The following ATP2B2 variants were observed in gnomAD, a reference collection of about 807,000 sequenced individuals.
ATP2B2 encodes ATPase plasma membrane Ca2+ transporting 2, also known as plasma membrane calcium-transporting ATPase 2.
Under a neutral mutation model 120.0 loss-of-function variants are expected in ATP2B2, and 15 were observed. The observed-to-expected ratio is 0.12, with a 90% CI of 0.08 to 0.19. The LOEUF is 0.19. Ranked by LOEUF, ATP2B2 falls within the 10% of genes least tolerant of loss-of-function variation. ATP2B2 has a pLI of 1.00. For missense variants in ATP2B2, 1,045 were observed against 1,719.8 expected (o/e 0.61, Z 6.94); for synonymous variants, 694 against 700.3 (o/e 0.99, Z 0.14).
chr3:10,577,143 C>A (rs777045613), intron 2 of ATP2B2, among the ~76,000 whole-genome samples: 2 of 151,856 alleles, frequency 1.3e-5, no homozygotes, highest in Non-Finnish European at 2.9e-5. Context: ...GAAGTCCAGG[C>A]ACTGAGATCC....
At chr3:10,364,389 A>C (rs2060983542) in intron 12 of ATP2B2, among the ~76,000 whole-genome samples, 1 of 152,180 alleles carries the variant, frequency 6.6e-6, no homozygotes, top group South Asian at 2.1e-4. Context: ...ATTTTATGCA[A>C]ATTTTTAAAA....
chr3:10,430,038 T>C (rs1274744132), intron 2 of ATP2B2, among the ~76,000 whole-genome samples: 2 of 152,210 alleles, frequency 1.3e-5, no homozygotes, highest in Admixed American at 6.5e-5. Context: ...GGTTGGTTCA[T>C]GCGGCTTAAG....
Position 10,385,277 on chromosome 3 carries a change from G to C in ATP2B2, c.991C>G (p.Leu331Val), listed in dbSNP as rs1391779442. The C allele has an allele frequency of 6.2e-7, 1 of 1,613,808 alleles. No individual in the cohort carries two copies. Among genetic ancestry groups the C allele is most frequent in the Admixed American group, 1.7e-5 (1 of 59,996 alleles). ...GCCGTGGGAGACATACCATTGACTA[G>C]GCTGGCATTCGCACTATCTGCAGCA... Reference protein sequence around the residue: ...SNAADSANASLVNGKMQDGNV... With the variant: ...SNAADSANASVVNGKMQDGNV... The change falls in exon 8 of 23, where the codon CTA becomes GTA. Residue 331 changes from leucine to valine, a missense_variant. Leu to Val is a conservative substitution (Grantham distance 32). Transcript: ENST00000360273.
At chr3:10,366,272 T>C (rs2061054839) in intron 12 of ATP2B2, among the ~76,000 whole-genome samples, 1 of 152,176 alleles carries the variant, frequency 6.6e-6, no homozygotes, top group Non-Finnish European at 1.5e-5. Flanking sequence ...CCCTCCCTAC[T>C]ATCTGCTAGG....
intron 21 of ATP2B2, among the ~76,000 whole-genome samples, chr3:10,339,382 G>T (rs1334328180): frequency 1.3e-5 from 2 of 152,198 alleles, no homozygotes; most frequent in Non-Finnish European, 1.5e-5. Context: ...TTGAAGGCAA[G>T]AAAAATGCCT....
intron 1 of ATP2B2, among the ~76,000 whole-genome samples, chr3:10,476,253 G>A (rs2065198251): frequency 6.6e-6 from 1 of 152,166 alleles, no homozygotes; most frequent in Non-Finnish European, 1.5e-5. Flanking sequence ...GCTTCAGAAG[G>A]GGCCATGAAC....
At chr3:10,584,787 C>T (rs1483575853) in intron 2 of ATP2B2, among the ~76,000 whole-genome samples, 2 of 152,218 alleles carry the variant, frequency 1.3e-5, no homozygotes, top group Non-Finnish European at 2.9e-5. Context: ...CCTGCTTACT[C>T]GTGTCACTGT....
chr3:10,553,860 T>A (rs1173541171), intron 2 of ATP2B2, among the ~76,000 whole-genome samples: 2 of 152,070 alleles, frequency 1.3e-5, no homozygotes, highest in East Asian at 3.9e-4. Flanking sequence ...TATGACCTCA[T>A]GAGGGGGCCA....
At chr3:10,537,666 A>G (rs752150610) in intron 2 of ATP2B2, among the ~76,000 whole-genome samples, 46 of 152,064 alleles carry the variant, frequency 3.0e-4, no homozygotes, top group Non-Finnish European at 5.9e-4. Flanking sequence ...TTGAATTTGT[A>G]TATGTTTTCT....
At chr3:10,492,904 G>A (rs2125372566) in intron 1 of ATP2B2, among the ~76,000 whole-genome samples, 1 of 152,288 alleles carries the variant, frequency 6.6e-6, no homozygotes, top group South Asian at 2.1e-4. Flanking sequence ...GGCTTTCAAA[G>A]GACATTTTCT....
chr3:10,490,430 GTCTC>G (rs1325328393), intron 1 of ATP2B2, among the ~76,000 whole-genome samples: 1 of 148,162 alleles, frequency 6.7e-6, no homozygotes, highest in Non-Finnish European at 1.5e-5. Context: ...CTGAGATGGA[GTCTC>G]TCTCTGTCGC....
chr3:10,655,941 A>T (rs796702761), intron 1 of ATP2B2, among the ~76,000 whole-genome samples: 7 of 152,336 alleles, frequency 4.6e-5, no homozygotes, highest in African/African-American at 1.7e-4. Context: ...TTACAATCCA[A>T]TGCCTTGAGA....
chr3:10,594,974 C>T (rs1380981618), intron 2 of ATP2B2, among the ~76,000 whole-genome samples: 2 of 152,238 alleles, frequency 1.3e-5, no homozygotes, highest in African/African-American at 4.8e-5. Flanking sequence ...CACACTCAGT[C>T]CAGATGCAGC....
At chr3:10,610,191 A>T (rs2069194619) in intron 2 of ATP2B2, among the ~76,000 whole-genome samples, 1 of 151,356 alleles carries the variant, frequency 6.6e-6, no homozygotes, top group Non-Finnish European at 1.5e-5. Flanking sequence ...GTGTGTGTGT[A>T]AAATTTTTTT....
At chr3:10,389,173 A>G (rs527694935) in intron 5 of ATP2B2, among the ~76,000 whole-genome samples, 6 of 152,076 alleles carry the variant, frequency 3.9e-5, no homozygotes, top group Admixed American at 3.9e-4. Context: ...AGGGGCTGGA[A>G]GTGTAGCTAT....
chr3:10,337,347 C>T (rs891841149), intron 22 of ATP2B2, among the ~76,000 whole-genome samples: 1 of 152,126 alleles, frequency 6.6e-6, no homozygotes, highest in African/African-American at 2.4e-5. Context: ...CATGCTGGGG[C>T]ATGGAGGAGC....
At chr3:10,425,795 C>A (rs368564288) in intron 2 of ATP2B2, among the ~76,000 whole-genome samples, 1 of 152,208 alleles carries the variant, frequency 6.6e-6, no homozygotes, top group African/African-American at 2.4e-5. Context: ...CCTGGATGGC[C>A]TCAGCAGCCA....
intron 1 of ATP2B2, among the ~76,000 whole-genome samples, chr3:10,496,728 C>T (rs755811984): frequency 2.0e-5 from 3 of 152,160 alleles, no homozygotes; most frequent in Non-Finnish European, 4.4e-5. Context: ...CAGGCAGCTT[C>T]GAATTTTAGA....
At chr3:10,569,704 G>A (rs1172914456) in intron 2 of ATP2B2, among the ~76,000 whole-genome samples, 1 of 152,132 alleles carries the variant, frequency 6.6e-6, no homozygotes, top group Admixed American at 6.5e-5. Flanking sequence ...AGGGGCTCAG[G>A]TGTAACACTC....
Sources: allele counts gnomAD v4.1 joint callset (sites outside exome capture counted in the v4.1 genomes callset), GRCh38; gene constraint gnomAD v4.1.1; transcripts MANE v1.5; gene names NCBI Gene and HGNC (gene_info 2026-07-23, HGNC 2026-07-21).